DLGAP2: variants seen among roughly 807,000 people sequenced by gnomAD.
DLGAP2 encodes the protein disks large-associated protein 2.
DLGAP2 carries 26 observed loss-of-function variants against 100.3 expected under a neutral mutation model. The ratio of observed to expected loss-of-function variants is 0.26; its 90% CI spans 0.19 to 0.36. The LOEUF is 0.36. Among genes scored for constraint, DLGAP2 ranks in the 10% least tolerant of loss-of-function variants. The pLI is 1.00. For synonymous variants in DLGAP2, 886 were observed against 630.1 expected (o/e 1.41, Z -6.08); for missense variants, 1,858 against 1,453.2 (o/e 1.28, Z -4.53).
chr8:768,549 C>T (rs547481963), intron 1 of DLGAP2, among the ~76,000 whole-genome samples: 5 of 151,532 alleles, frequency 3.3e-5, no homozygotes, highest in East Asian at 3.9e-4. Flanking sequence ...CTCAGCCTCC[C>T]GAGTACCTGG....
intron 2 of DLGAP2, among the ~76,000 whole-genome samples, chr8:1,100,313 C>A (rs921757616): frequency 1.3e-4 from 19 of 149,756 alleles, no homozygotes; most frequent in Middle Eastern, 3.4e-3. Flanking sequence ...GTAGGGAAAA[C>A]CTTTGTCCAG....
intron 3 of DLGAP2, among the ~76,000 whole-genome samples, chr8:1,334,179 C>T (rs550873572): frequency 6.6e-6 from 1 of 152,334 alleles, no homozygotes; most frequent in African/African-American, 2.4e-5. Context: ...GATGGGCTGC[C>T]TTGAAAGCAA....
At chr8:974,441 A>G (rs1156819252) in intron 2 of DLGAP2, among the ~76,000 whole-genome samples, 1 of 152,232 alleles carries the variant, frequency 6.6e-6, no homozygotes, top group Non-Finnish European at 1.5e-5. Context: ...AAAACAGCAG[A>G]AACACATTCC....
intron 3 of DLGAP2, among the ~76,000 whole-genome samples, chr8:1,325,217 A>G (rs1477043699): frequency 6.6e-6 from 1 of 152,196 alleles, no homozygotes; most frequent in South Asian, 2.1e-4. Flanking sequence ...TGAGATGTTC[A>G]ATGTCGCAAT....
At chr8:830,302 A>T (rs534839275) in intron 1 of DLGAP2, among the ~76,000 whole-genome samples, 4 of 152,310 alleles carry the variant, frequency 2.6e-5, no homozygotes, top group Non-Finnish European at 4.4e-5. Flanking sequence ...TTTGTTACAA[A>T]CAATCCAATT....
At chr8:882,849 C>T (rs1797838581) in intron 1 of DLGAP2, among the ~76,000 whole-genome samples, 1 of 152,280 alleles carries the variant, frequency 6.6e-6, no homozygotes, top group Admixed American at 6.5e-5. Flanking sequence ...TTCCCCTCCG[C>T]CCCGTGGTGT....
At chr8:787,602 G>A (rs2132634376) in intron 1 of DLGAP2, among the ~76,000 whole-genome samples, 1 of 152,320 alleles carries the variant, frequency 6.6e-6, no homozygotes, top group Non-Finnish European at 1.5e-5. Context: ...TTGGGTGGAA[G>A]CTGGCAGCGC....
chr8:1,021,510 T>C (rs1379271912), intron 2 of DLGAP2, among the ~76,000 whole-genome samples: 2 of 152,220 alleles, frequency 1.3e-5, no homozygotes, highest in East Asian at 1.9e-4. Flanking sequence ...GGGAGTGATT[T>C]CCCCTAATTA....
At chr8:1,365,916 G>C (rs1490091212) in intron 3 of DLGAP2, among the ~76,000 whole-genome samples, 1 of 152,188 alleles carries the variant, frequency 6.6e-6, no homozygotes, top group Admixed American at 6.5e-5. Flanking sequence ...ACAGGTGATG[G>C]CAGAAGCCAC....
rs1310470977 is a variant in DLGAP2 at position 1,287,368 on chromosome 8, C to T, written c.106+28485C>T. On this transcript the variant is annotated intron_variant, in intron 3 of 14. Coordinates refer to ENST00000637795, the MANE Select transcript of DLGAP2 (RefSeq NM_001346810.2). The stretch of plus-strand genomic sequence containing the variant: ...GTTAGGAGGGGAACTAGTTTTGGTT[C>T]AGCGTGTGTGTGTGTATGTGGTTTT... 3.6e-5 allele frequency among the ~76,000 whole-genome samples: 4 copies of T among 112,600 alleles called. No homozygotes were observed. In the South Asian group the frequency reaches 9.3e-4, roughly 26 times the overall value. 73.9% of individuals were successfully genotyped at this position (112,600 alleles called of 152,430 possible).
intron 2 of DLGAP2, among the ~76,000 whole-genome samples, chr8:1,229,496 C>G (rs1798489367): frequency 6.6e-6 from 1 of 152,082 alleles, no homozygotes; most frequent in Non-Finnish European, 1.5e-5. Context: ...TCTAGATTTT[C>G]TAGTTTGTGT....
At chr8:1,002,881 G>C (rs577744758) in intron 2 of DLGAP2, 12 of 152,382 alleles carry the variant, frequency 7.9e-5, no homozygotes, top group African/African-American at 2.6e-4. Flanking sequence ...GTGGGGCCCA[G>C]GCACCCCATG....
rs529880521 is a variant in DLGAP2 at position 957,251 on chromosome 8, G to A, written c.73+49285G>A. On this transcript the variant is annotated intron_variant, in intron 2 of 14. Transcript: ENST00000637795. ...GTCAGTGCTTGTGGGACAGCCAGAGGCCCCTCCAGGGCCTCCTGTCTTCCC... is the reference window on the plus strand; with the variant it reads ...GTCAGTGCTTGTGGGACAGCCAGAGACCCCTCCAGGGCCTCCTGTCTTCCC... Among the ~76,000 whole-genome samples the A allele has an allele frequency of 3.3e-5, 5 of 152,356 alleles. No individual in the cohort carries two copies. In the East Asian group the frequency reaches 9.6e-4, roughly 29 times the overall value.
At chr8:1,368,722 C>T (rs1802168178) in intron 3 of DLGAP2, 1 of 152,178 alleles carries the variant, frequency 6.6e-6, no homozygotes, top group Non-Finnish European at 1.5e-5. Flanking sequence ...ACCTCATTAG[C>T]TGGTGATCTA....
At position 1,192,609 on chromosome 8, in the gene DLGAP2, A is replaced by G. The variant is rs376736805; in HGVS notation, c.74-66242A>G. 6.5e-5 allele frequency among the ~76,000 whole-genome samples: 9 copies of G among 138,716 alleles called. No individual in the cohort carries two copies. The East Asian group carries it at 2.2e-3, about 34-fold the overall frequency. 91.0% of individuals were successfully genotyped at this position (138,716 alleles called of 152,430 possible). A position where few individuals can be genotyped will look rare whatever the true frequency, so the allele number is the denominator to read the frequency against. ...ACTCCCACGAGTCTGAGTGTCTTGG[A>G]TGCATCATGTCAGTGAGTGAGCTCT... is the stretch of plus-strand genomic sequence containing the variant. On this transcript the variant is annotated intron_variant, in intron 2 of 14. Coordinates refer to ENST00000637795, the MANE Select transcript of DLGAP2 (RefSeq NM_001346810.2).
intron 3 of DLGAP2, among the ~76,000 whole-genome samples, chr8:1,458,013 T>TATATAA (rs1798368413): frequency 1.5e-5 from 2 of 133,940 alleles, no homozygotes; most frequent in South Asian, 2.4e-4. Flanking sequence ...TATATATATA[T>TATATAA]AATTTTTTAT....
intron 2 of DLGAP2, among the ~76,000 whole-genome samples, chr8:1,251,325 G>T (rs1333750115): frequency 1.3e-5 from 2 of 152,178 alleles, no homozygotes; most frequent in African/African-American, 4.8e-5. Flanking sequence ...CAGTATTAAA[G>T]AGTACACATC....
chr8:1,161,219 G>C (rs1796882536), intron 2 of DLGAP2, among the ~76,000 whole-genome samples: 1 of 152,132 alleles, frequency 6.6e-6, no homozygotes, highest in South Asian at 2.1e-4. Flanking sequence ...TGTCTTTGTG[G>C]CTGGCATGGA....
chr8:859,897 C>T (rs1797357928), intron 1 of DLGAP2, among the ~76,000 whole-genome samples: 1 of 152,128 alleles, frequency 6.6e-6, no homozygotes, highest in Non-Finnish European at 1.5e-5. Flanking sequence ...ACATGAGACA[C>T]ATGGGCTTAT....
Sources: gnomAD v4.1 joint callset for allele counts (sites outside exome capture counted in the v4.1 genomes callset) on GRCh38, gnomAD v4.1.1 for gene constraint, MANE v1.5 for transcripts, NCBI Gene and HGNC (gene_info 2026-07-23, HGNC 2026-07-21) for gene names.